DMBX1: variants seen among roughly 807,000 people sequenced by gnomAD.
DMBX1 encodes the protein diencephalon/mesencephalon homeobox protein 1.
Under a neutral mutation model 30.4 loss-of-function variants are expected in DMBX1, and 7 were observed. The observed-to-expected ratio is 0.23, with a 90% CI of 0.13 to 0.43. DMBX1 has a LOEUF of 0.43. Among genes scored for constraint, DMBX1 ranks in the 20% least tolerant of loss-of-function variants. The probability of loss-of-function intolerance (pLI) is 1.00; values close to 1 mark genes in which losing one functional copy is unlikely to be tolerated. For missense variants in DMBX1, 460 were observed against 508.5 expected, an observed-to-expected ratio of 0.90 and a Z score of 0.92; for synonymous variants, 222 against 214.2, an observed-to-expected ratio of 1.04 and a Z score of -0.32.
Position 46,507,178 on chromosome 1 carries a change from G to C in DMBX1, c.154+14G>C, listed in dbSNP as rs1331295320. The C allele has an allele frequency of 6.2e-7, 1 of 1,613,812 alleles. No individual in the cohort carries two copies. Among genetic ancestry groups the C allele is most frequent in the African/African-American group, 1.3e-5 (1 of 74,936 alleles). On this transcript the variant is annotated intron_variant, in intron 3 of 5. Transcript: ENST00000360032. Reference sequence around the variant, plus strand: ...AGCGCCTGGCTGGTAAGGGCCCTGGGGATGGGACCATGGGGACAGGACTGT... The same window carrying C: ...AGCGCCTGGCTGGTAAGGGCCCTGGCGATGGGACCATGGGGACAGGACTGT...
In DMBX1 at chr1:46,512,620, C is replaced by G. The variant is rs1257773831; in HGVS notation, c.*126C>G. ...ATCCTAGGGCCTGGGGTCCTGTTCC[C>G]TGCTCCGCTTCCCCATACCCCAGCC... On this transcript the variant is annotated 3_prime_UTR_variant, in exon 6 of 6. Transcript: ENST00000360032. The surrounding 1 kb of genome is among the most constrained non-coding windows in gnomAD (Gnocchi z 4.8). The G allele has an allele frequency of 6.5e-6, 7 of 1,069,752 alleles. No homozygotes were observed. In the African/African-American group the frequency reaches 8.0e-5, roughly 12 times the overall value. The allele number at this position is 1,069,752 out of a possible 1,614,324, so 66.3% of individuals were successfully genotyped here.
Position 46,512,863 on chromosome 1 carries a change from A to C in DMBX1, c.*369A>C. On this transcript the variant is annotated 3_prime_UTR_variant, in exon 6 of 6. Coordinates refer to ENST00000360032, the MANE Select transcript of DMBX1 (RefSeq NM_172225.2). The surrounding 1 kb of genome is among the most constrained non-coding windows in gnomAD (Gnocchi z 4.8). ...TACGTGTGGAATGTGAGATATAAAT[A>C]TAAATATATAAAGCTATATTTTCAG... 4.8e-6 allele frequency: 1 copy of C among 206,986 alleles called. No individual in the cohort carries two copies. The highest frequency in any genetic ancestry group is 9.7e-6 in the Non-Finnish European group (1 of 102,738). 12.8% of individuals were successfully genotyped at this position (206,986 alleles called of 1,614,324 possible). A position where few individuals can be genotyped will look rare whatever the true frequency, so the allele number is the denominator to read the frequency against.
At chr1:46,506,458 G>C (rs1198571016) in intron 2 of DMBX1, among the ~76,000 whole-genome samples, 1 of 152,252 alleles carries the variant, frequency 6.6e-6, no homozygotes, top group Non-Finnish European at 1.5e-5. Flanking sequence ...TAAGTAATAA[G>C]TGTGTGAGTG....
Position 46,512,812 on chromosome 1 carries a change from C to T in DMBX1, c.*318C>T. ...TCAATAGCACCTCCTCCCTTTTCTC[C>T]CTATCCTTCTGCCCCCTAGTAAGTC... On this transcript the variant is annotated 3_prime_UTR_variant, in exon 6 of 6. Transcript: ENST00000360032. The surrounding 1 kb of genome is among the most constrained non-coding windows in gnomAD (Gnocchi z 4.8). The T allele has an allele frequency of 5.5e-6, 2 of 366,318 alleles. No individual in the cohort carries two copies. The highest frequency in any genetic ancestry group is 1.6e-4 in the South Asian group (2 of 12,666). The allele number at this position is 366,318 out of a possible 1,614,324, so 22.7% of individuals were successfully genotyped here.
At chr1:46,492,234 G>A (rs1462514051) in intron 2 of DMBX1, among the ~76,000 whole-genome samples, 4 of 152,212 alleles carry the variant, frequency 2.6e-5, no homozygotes, top group African/African-American at 7.2e-5. Flanking sequence ...TCAGCTTCAC[G>A]GGCATCGGGT....
chr1:46,508,883 C>T lies in DMBX1; in HGVS notation c.155-1593C>T, dbSNP rs1041798964. ...TAGGATGCTGAGCTGTTGCTCCTTC[C>T]CCAACCAGAGTGGGGCTGACAGAGC... is the stretch of plus-strand genomic sequence containing the variant. On this transcript the variant is annotated intron_variant, in intron 3 of 5. Transcript: ENST00000360032. Among the ~76,000 whole-genome samples the T allele has an allele frequency of 9.4e-5, 14 of 149,526 alleles. No homozygotes were observed. In the East Asian group the frequency reaches 2.0e-3, roughly 22 times the overall value.
chr1:46,510,533 C>T lies in DMBX1; in HGVS notation c.212C>T (p.Thr71Ile). Reference sequence around the variant, plus strand: ...CACCGCAAACAACGTCGCAGCCGCACAGCGTTCACGGCTCAGCAGCTCGAG... The same window carrying T: ...CACCGCAAACAACGTCGCAGCCGCATAGCGTTCACGGCTCAGCAGCTCGAG... ...SQHRKQRRSR[T>I]AFTAQQLEAL... Residue 71 changes from threonine (T) to isoleucine (I), a missense_variant, in exon 4 of 6, where the codon ACA becomes ATA. Physicochemically the swap from Thr to Ile is moderately conservative, Grantham distance 89 (BLOSUM62 -1). This residue lies in a region of DMBX1 where 124 missense variants were observed against 144.0 expected (regional missense o/e 0.86). Coordinates refer to ENST00000360032, the MANE Select transcript of DMBX1 (RefSeq NM_172225.2). The surrounding 1 kb of genome is among the most constrained non-coding windows in gnomAD (Gnocchi z 4.1). 6.2e-7 allele frequency: 1 copy of T among 1,614,180 alleles called. No homozygotes were observed. Among genetic ancestry groups the T allele is most frequent in the Non-Finnish European group, 8.5e-7 (1 of 1,180,030 alleles).
chr1:46,504,144 T>C (rs1355363138), intron 2 of DMBX1, among the ~76,000 whole-genome samples: 3 of 151,986 alleles, frequency 2.0e-5, no homozygotes, highest in African/African-American at 7.2e-5. Flanking sequence ...GTTGCAAAAA[T>C]TTTCTCCCAT....
rs1403135104 is a variant in DMBX1 at position 46,491,631 on chromosome 1, T to TC, written c.-13+852dup. Among the ~76,000 whole-genome samples, 1 of 152,192 alleles carries TC rather than the reference T, an allele frequency of 6.6e-6. No individual in the cohort carries two copies. Among genetic ancestry groups the TC allele is most frequent in the Non-Finnish European group, 1.5e-5 (1 of 68,028 alleles). The stretch of plus-strand genomic sequence containing the variant: ...CGATGGCAGGGCGACCAGAGTCCTT[T>TC]CCCCTCTCTAGTGCTAGGGATTCTG... On this transcript the variant is annotated intron_variant, in intron 2 of 5. Coordinates refer to ENST00000360032, the MANE Select transcript of DMBX1 (RefSeq NM_172225.2). This position sits in a 1 kb window ranked among gnomAD's most constrained non-coding sequence, Gnocchi z 5.5.
At position 46,515,657 on chromosome 1, in the gene DMBX1, T is replaced by C. The variant is rs1666475982; in HGVS notation, c.*3163T>C. On this transcript the variant is annotated 3_prime_UTR_variant, in exon 6 of 6. Coordinates refer to ENST00000360032, the MANE Select transcript of DMBX1 (RefSeq NM_172225.2). ...ACACCTGTGTCTCCTCCAAGCACAC[T>C]GGTAAGCGGCACCGTGCATCTCCTC... Among the ~76,000 whole-genome samples, 2 of 152,210 alleles carry C rather than the reference T, an allele frequency of 1.3e-5. No individual in the cohort carries two copies. The highest frequency in any genetic ancestry group is 4.8e-5 in the African/African-American group (2 of 41,444).
intron 2 of DMBX1, among the ~76,000 whole-genome samples, chr1:46,498,526 G>A (rs535616808): frequency 6.6e-6 from 1 of 151,942 alleles, no homozygotes; most frequent in East Asian, 1.9e-4. Flanking sequence ...AGGGGTGGAA[G>A]AGCCACAATA....
At chr1:46,490,519 C>T (rs1021451041) in intron 1 of DMBX1, among the ~76,000 whole-genome samples, 125 bp from the exon 2 acceptor site, 1 of 152,170 alleles carries the variant, frequency 6.6e-6, no homozygotes, top group Non-Finnish European at 1.5e-5. Flanking sequence ...GGGGGCGCGG[C>T]CGGCAGCCCA....
intron 3 of DMBX1, among the ~76,000 whole-genome samples, chr1:46,509,084 G>A (rs1308851089): frequency 6.7e-6 from 1 of 150,232 alleles, no homozygotes; most frequent in Admixed American, 6.6e-5. Context: ...TTTTTTTTGC[G>A]GAGGGGGGAT....
Position 46,511,160 on chromosome 1 carries a change from G to T in DMBX1, c.559G>T (p.Ala187Ser), listed in dbSNP as rs1666361927. The change falls in exon 5 of 6, where the codon GCC becomes TCC. Residue 187 changes from alanine (A) to serine (S), a missense_variant. Ala to Ser is a moderately conservative substitution (Grantham distance 99). Around this residue, in one of 3 missense-constraint regions of DMBX1, gnomAD observed 334 missense variants for 345.1 expected, o/e 0.97. Transcript: ENST00000360032. ...GTCTGAGCAGTCAGCCAGTGAGTCAGCCCCCGAGGATCAGCCGGACCGTGA... is the reference window on the plus strand; with the variant it reads ...GTCTGAGCAGTCAGCCAGTGAGTCATCCCCCGAGGATCAGCCGGACCGTGA... ...SLSEQSASES[A>S]PEDQPDREED... is the part of the protein sequence containing the mutation. 1 of 1,613,788 alleles carries T rather than the reference G, an allele frequency of 6.2e-7. No individual in the cohort carries two copies. The highest frequency in any genetic ancestry group is 1.3e-5 in the African/African-American group (1 of 74,920).
At chr1:46,505,890 G>A (rs1024606051) in intron 2 of DMBX1, among the ~76,000 whole-genome samples, 2 of 151,908 alleles carry the variant, frequency 1.3e-5, no homozygotes, top group African/African-American at 4.8e-5. Flanking sequence ...CTGAGCCTCA[G>A]TAGACTCAAC....
chr1:46,514,218 A>AT lies in DMBX1; in HGVS notation c.*1724_*1725insT, dbSNP rs1465833225. The AT allele has an allele frequency of 1.2e-4, 15 of 121,310 alleles. No homozygotes were observed. Among genetic ancestry groups the AT allele is most frequent in the African/African-American group, 4.2e-4 (13 of 31,140 alleles). 7.5% of individuals were successfully genotyped at this position (121,310 alleles called of 1,614,324 possible). A position where few individuals can be genotyped will look rare whatever the true frequency, so the allele number is the denominator to read the frequency against. ...ACGGAGTGAGACTCCATCTCAAAAAAAAAAAAAAAATAAATAAAAGCTGTG... is the reference window on the plus strand; with the variant it reads ...ACGGAGTGAGACTCCATCTCAAAAAATAAAAAAAAAATAAATAAAAGCTGTG... On this transcript the variant is annotated 3_prime_UTR_variant, in exon 6 of 6. Coordinates refer to ENST00000360032, the MANE Select transcript of DMBX1 (RefSeq NM_172225.2).
At position 46,493,660 on chromosome 1, in the gene DMBX1, G is replaced by A. The variant is rs1392654215; in HGVS notation, c.-13+2877G>A. ...CCTCTGGTCTACAGCCACTGTGGGC[G>A]CTGCTTCCATGAGCCCCGAGGCCAC... On this transcript the variant is annotated intron_variant, in intron 2 of 5. Coordinates refer to ENST00000360032, the MANE Select transcript of DMBX1 (RefSeq NM_172225.2). This position sits in a 1 kb window ranked among gnomAD's most constrained non-coding sequence, Gnocchi z 4.1. Among the ~76,000 whole-genome samples, 1 of 152,236 alleles carries A rather than the reference G, an allele frequency of 6.6e-6. No homozygotes were observed. The highest frequency in any genetic ancestry group is 2.4e-5 in the African/African-American group (1 of 41,476).
intron 2 of DMBX1, among the ~76,000 whole-genome samples, chr1:46,497,558 G>A (rs1346715750): frequency 1.3e-5 from 2 of 152,262 alleles, no homozygotes; most frequent in Non-Finnish European, 2.9e-5. Flanking sequence ...AGTTGGTGGG[G>A]TAGGCCTGTG....
Position 46,512,556 on chromosome 1 carries a change from C to A in DMBX1, c.*62C>A. The A allele has an allele frequency of 6.6e-7, 1 of 1,525,710 alleles. No individual in the cohort carries two copies. The allele number at this position is 1,525,710 out of a possible 1,614,324, so 94.5% of individuals were successfully genotyped here. ...TCCCCTCCTAGCCCTGTGGTTATCC[C>A]TAGGTGGCTCTCGAGGAGTTAACTC... On this transcript the variant is annotated 3_prime_UTR_variant, in exon 6 of 6. Coordinates refer to ENST00000360032, the MANE Select transcript of DMBX1 (RefSeq NM_172225.2). The surrounding 1 kb of genome is among the most constrained non-coding windows in gnomAD (Gnocchi z 4.8).
Sources: gnomAD v4.1 joint callset for allele counts (sites outside exome capture counted in the v4.1 genomes callset) on GRCh38, gnomAD v4.1.1 for gene constraint, gnomAD v4.1.1 regional missense constraint, Gnocchi (gnomAD v3.1) non-coding constraint, MANE v1.5 for transcripts, NCBI Gene and HGNC (gene_info 2026-07-23, HGNC 2026-07-21) for gene names.